MIPEP: variants seen among roughly 807,000 people sequenced by gnomAD.
MIPEP encodes mitochondrial intermediate peptidase.
MIPEP carries 79 observed loss-of-function variants against 90.3 expected under a neutral mutation model. That is an observed-to-expected ratio of 0.87 (90% CI 0.73 to 1.05). The LOEUF is 1.05. Among genes scored for constraint, MIPEP ranks in the 50% least tolerant of loss-of-function variants. The probability of loss-of-function intolerance (pLI) is 0.00; values close to 1 mark genes in which losing one functional copy is unlikely to be tolerated. For missense variants in MIPEP, 940 were observed against 905.6 expected (o/e 1.04, Z -0.49); for synonymous variants, 334 against 315.8 (o/e 1.06, Z -0.61).
chr13:23,842,348 AAATATAAAAACATAGTT>A (rs771344322), intron 10 of MIPEP: 21 of 152,218 alleles, frequency 1.4e-4, no homozygotes, highest in Non-Finnish European at 2.9e-4. Context: ...TTATATATAA[AAATATAAAAACATAGTT>A]ACTAATAAAT....
chr13:23,779,532 G>A (rs527311598), intron 16 of MIPEP, among the ~76,000 whole-genome samples: 23 of 152,310 alleles, frequency 1.5e-4, no homozygotes, highest in Non-Finnish European at 2.9e-5. Context: ...CAGCGTGAGT[G>A]ACGCAGAAGA....
At chr13:23,869,190 C>T (rs1463091346) in intron 7 of MIPEP, 102 bp downstream of exon 7, 11 of 1,031,720 alleles carry the variant, frequency 1.1e-5, no homozygotes, top group African/African-American at 1.6e-5. Context: ...TGGTTCTCTA[C>T]ATGTATTAAA....
chr13:23,745,447 G>T (rs1203301320), intron 18 of MIPEP, among the ~76,000 whole-genome samples: 1 of 152,204 alleles, frequency 6.6e-6, no homozygotes, highest in African/African-American at 2.4e-5. Flanking sequence ...TTTCATAAAA[G>T]AGTTGGCTAG....
At chr13:23,762,331 G>T (rs1952556137) in intron 16 of MIPEP, among the ~76,000 whole-genome samples, 1 of 152,052 alleles carries the variant, frequency 6.6e-6, no homozygotes, top group Non-Finnish European at 1.5e-5. Flanking sequence ...TTAAAAATAT[G>T]GTTACTTCAT....
intron 15 of MIPEP, among the ~76,000 whole-genome samples, chr13:23,807,476 C>T (rs983166004): frequency 2.0e-4 from 30 of 152,176 alleles, no homozygotes; most frequent in African/African-American, 7.0e-4. Flanking sequence ...TAAATGACCT[C>T]TGGCTTCTGG....
chr13:23,873,146 G>A (rs944051242), intron 5 of MIPEP, among the ~76,000 whole-genome samples: 1 of 152,198 alleles, frequency 6.6e-6, no homozygotes, highest in Non-Finnish European at 1.5e-5. Context: ...TGTGGCGTGA[G>A]GATGAAGCCT....
At chr13:23,808,980 G>A (rs1796504445) in intron 15 of MIPEP, among the ~76,000 whole-genome samples, 2 of 152,170 alleles carry the variant, frequency 1.3e-5, no homozygotes, top group Admixed American at 1.3e-4. Flanking sequence ...GATGAAAGAT[G>A]GGTGTTTAAG....
chr13:23,756,746 C>G (rs976672620), intron 17 of MIPEP, 128 bp from the exon 18 acceptor site: 1 of 827,132 alleles, frequency 1.2e-6, no homozygotes, highest in East Asian at 2.6e-5. Context: ...CAATTTGGCC[C>G]CTATTTTCTT....
chr13:23,833,887 A>G (rs1650771602), intron 14 of MIPEP, among the ~76,000 whole-genome samples: 1 of 151,718 alleles, frequency 6.6e-6, no homozygotes, highest in Admixed American at 6.6e-5. Flanking sequence ...CACCTCCGAA[A>G]CCTCAGACTC....
rs76106003 is a variant in MIPEP at position 23,779,314 on chromosome 13, T to A, written c.1849-19097A>T. ...ATTGTGGCAGGTATCAAAGATAGTA[T>A]GTTTTCATTAGAATTTCCAGCCACA... On this transcript the variant is annotated intron_variant, in intron 16 of 18. Transcript: ENST00000382172. Among the ~76,000 whole-genome samples the A allele has an allele frequency of 4.1e-4, 63 of 152,346 alleles. No individual in the cohort carries two copies. The East Asian group carries it at 0.012, about 28-fold the overall frequency.
In MIPEP at chr13:23,809,844, A is replaced by G. The variant is rs1953152349; in HGVS notation, c.1728+6T>C. The G allele has an allele frequency of 6.2e-7, 1 of 1,600,298 alleles. No individual in the cohort carries two copies. Among genetic ancestry groups the G allele is most frequent in the South Asian group, 1.1e-5 (1 of 90,598 alleles). The stretch of plus-strand genomic sequence containing the variant: ...GGAAAACTTCAGAACAAAGGTACAT[A>G]CATACCTGAAGTTGCATATCAGCTG... On this transcript the variant is annotated splice_donor_region_variant and intron_variant, in intron 15 of 18. Coordinates refer to ENST00000382172, the MANE Select transcript of MIPEP (RefSeq NM_005932.4).
At chr13:23,853,822 T>A (rs988462539) in intron 10 of MIPEP, among the ~76,000 whole-genome samples, 1 of 151,780 alleles carries the variant, frequency 6.6e-6, no homozygotes, top group African/African-American at 2.4e-5. Context: ...CGCCTCAGCC[T>A]CCCAAAGTGC....
At position 23,813,126 on chromosome 13, in the gene MIPEP, A is replaced by C. The variant is rs116590851; in HGVS notation, c.1654-3202T>G. Among the ~76,000 whole-genome samples, 1,327 of 152,352 alleles carry C rather than the reference A, an allele frequency of 8.7e-3. 18 individuals carry two copies. The highest frequency in any genetic ancestry group is 0.031 in the African/African-American group (1,283 of 41,576). On this transcript the variant is annotated intron_variant, in intron 14 of 18. Transcript: ENST00000382172. ...TTAAAACATAACAAATTTGAAAAAAAAACTTAAATACCATACAAACTGATT... is the reference window on the plus strand; with the variant it reads ...TTAAAACATAACAAATTTGAAAAAACAACTTAAATACCATACAAACTGATT...
rs1048619121 is a variant in MIPEP, at chr13:23,756,550, A to G, written c.2039T>C (p.Val680Ala). 3 of 1,614,054 alleles carry G rather than the reference A, an allele frequency of 1.9e-6. No homozygotes were observed. The highest frequency in any genetic ancestry group is 1.1e-5 in the South Asian group (1 of 91,084). Residue 680 changes from valine to alanine, a missense_variant, in exon 18 of 19, where the codon GTT becomes GCT. Transcript: ENST00000382172. ...HGGGREPMLM[V>A]EGMLQKCPSV... ...CCATTTTGGTTTTGTTTTACCTTCAACCATGAGCATGGGCTCCCTGCCTCC... is the reference window on the plus strand; with the variant it reads ...CCATTTTGGTTTTGTTTTACCTTCAGCCATGAGCATGGGCTCCCTGCCTCC...
At position 23,836,447 on chromosome 13, in the gene MIPEP, A is replaced by G. The variant is rs528297260; in HGVS notation, c.1544-98T>C. On this transcript the variant is annotated intron_variant, in intron 13 of 18. Transcript: ENST00000382172. ...AAACTTTTATTTGTACTTCTGATGA[A>G]CTGTAAGTTTTAATTCATTAAATCA... is the stretch of plus-strand genomic sequence containing the variant. 193 of 550,048 alleles carry G rather than the reference A, an allele frequency of 3.5e-4. No individual in the cohort carries two copies. The South Asian group carries it at 4.4e-3, about 12-fold the overall frequency. The allele number at this position is 550,048 out of a possible 1,614,324, so 34.1% of individuals were successfully genotyped here.
intron 18 of MIPEP, among the ~76,000 whole-genome samples, chr13:23,752,299 G>A (rs570100898): frequency 6.6e-6 from 1 of 152,186 alleles, no homozygotes; most frequent in Admixed American, 6.5e-5. Flanking sequence ...ACAAACTGCT[G>A]AAGTAATATA....
Position 23,837,642 on chromosome 13 carries a change from G to C in MIPEP, c.1453C>G (p.Leu485Val). ...PRSSRSSPTL[L>V]TPSMMENLFH... ...AGATTTTCCATCATGCTAGGAGTTA[G>C]CAAAGTTGGAGAACTCCTTGAGGAA... Residue 485 changes from leucine (L) to valine (V), a missense_variant, in exon 13 of 19, where the codon CTA becomes GTA. Coordinates refer to ENST00000382172, the MANE Select transcript of MIPEP (RefSeq NM_005932.4). The C allele has an allele frequency of 6.2e-7, 1 of 1,613,704 alleles. No homozygotes were observed. The highest frequency in any genetic ancestry group is 2.2e-5 in the East Asian group (1 of 44,878).
intron 18 of MIPEP, among the ~76,000 whole-genome samples, chr13:23,746,778 ACAT>A (rs1952388807): frequency 6.6e-6 from 1 of 152,198 alleles, no homozygotes; most frequent in Admixed American, 6.5e-5. Context: ...GTATACACTG[ACAT>A]CATCTAAAAA....
At chr13:23,839,350 T>G (rs1869194706) in intron 12 of MIPEP, among the ~76,000 whole-genome samples, 1 of 152,194 alleles carries the variant, frequency 6.6e-6, no homozygotes, top group African/African-American at 2.4e-5. Context: ...AAAAGGCTGA[T>G]GTGTATAACG....
Sources: allele counts gnomAD v4.1 joint callset (sites outside exome capture counted in the v4.1 genomes callset), GRCh38; gene constraint gnomAD v4.1.1; transcripts MANE v1.5; gene names NCBI Gene and HGNC (gene_info 2026-07-23, HGNC 2026-07-21).